Variants in TRIO observed in about 807,000 individuals in gnomAD.
TRIO encodes the protein trio Rho guanine nucleotide exchange factor.
A neutral mutation model predicts 351.9 loss-of-function variants in TRIO; 58 were observed. That is an observed-to-expected ratio of 0.16 (90% confidence interval 0.13 to 0.21). The LOEUF (loss-of-function observed/expected upper bound fraction) is 0.21, where lower values mean the gene tolerates loss of function less well. Ranked by LOEUF, TRIO falls within the 10% of genes least tolerant of loss-of-function variation. The pLI is 1.00. For missense variants in TRIO, 3,201 were observed against 4,027.8 expected (o/e 0.79, Z 5.56); for synonymous variants, 1,758 against 1,595.7 (o/e 1.10, Z -2.42).
chr5:14,345,677 C>T (rs1742358716), intron 11 of TRIO, among the ~76,000 whole-genome samples: 1 of 152,176 alleles, frequency 6.6e-6, no homozygotes, highest in South Asian at 2.1e-4. Context: ...TCTCCTGCCT[C>T]AGCCTCCCAA....
chr5:14,401,236 G>A (rs1748043531), intron 31 of TRIO, among the ~76,000 whole-genome samples, 172 bp downstream of exon 31: 1 of 152,170 alleles, frequency 6.6e-6, no homozygotes, highest in African/African-American at 2.4e-5. Flanking sequence ...ATTCAGTTTG[G>A]TGTTCTGGTG....
intron 1 of TRIO, among the ~76,000 whole-genome samples, chr5:14,191,700 T>C (rs1037088728): frequency 1.3e-5 from 2 of 152,210 alleles, no homozygotes; most frequent in Admixed American, 1.3e-4. Context: ...ATAGGGAAGT[T>C]AATTCTGATA....
At chr5:14,148,198 C>T (rs1384200515) in intron 1 of TRIO, among the ~76,000 whole-genome samples, 3 of 152,118 alleles carry the variant, frequency 2.0e-5, no homozygotes, top group East Asian at 1.9e-4. Context: ...TAAATGAAGC[C>T]GGTGGTGGTG....
At chr5:14,246,718 G>A (rs760208599) in intron 1 of TRIO, among the ~76,000 whole-genome samples, 6 of 152,184 alleles carry the variant, frequency 3.9e-5, no homozygotes, top group Non-Finnish European at 8.8e-5. Flanking sequence ...CCATCTGGGG[G>A]CTAGGGACAA....
chr5:14,221,156 G>C (rs1352829933), intron 1 of TRIO, among the ~76,000 whole-genome samples: 1 of 152,182 alleles, frequency 6.6e-6, no homozygotes, highest in Non-Finnish European at 1.5e-5. Flanking sequence ...AAGCCTGGAT[G>C]ATAGCCCATC....
intron 46 of TRIO, among the ~76,000 whole-genome samples, chr5:14,483,559 G>A (rs752582114): frequency 3.9e-5 from 6 of 152,110 alleles, no homozygotes; most frequent in African/African-American, 1.2e-4. Context: ...TCCCCCATCC[G>A]ACTCTCCGTT....
intron 6 of TRIO, among the ~76,000 whole-genome samples, chr5:14,295,359 T>C (rs1350276472): frequency 6.6e-6 from 1 of 152,264 alleles, no homozygotes. Flanking sequence ...ACCATATTGA[T>C]GTCCAGGCTG....
In TRIO at chr5:14,498,547, G is replaced by A. The variant is rs149437604; in HGVS notation, c.8239G>A (p.Val2747Met). ...CCTGGGAGAGGCCACGCTGAAGATT[G>A]TGGGCGTGACCACGGAAGATGACGG... ...SDLGEATLKI[V>M]GVTTEDDGIY... Residue 2747 changes from valine (V) to methionine (M), a missense_variant, in exon 53 of 57, where the codon GTG (valine) becomes ATG (methionine). Around this residue, in one of 19 missense-constraint regions of TRIO, gnomAD observed 1,089 missense variants for 954.9 expected, o/e 1.14. Coordinates refer to ENST00000344204, the MANE Select transcript of TRIO (RefSeq NM_007118.4). 3.7e-6 allele frequency: 6 copies of A among 1,613,876 alleles called. No individual in the cohort carries two copies. The highest frequency in any genetic ancestry group is 4.2e-6 in the Non-Finnish European group (5 of 1,179,964).
chr5:14,297,081 G>T lies in TRIO; in HGVS notation c.1186G>T (p.Val396Leu). 1 of 1,611,102 alleles carries T rather than the reference G, an allele frequency of 6.2e-7. No homozygotes were observed. The highest frequency in any genetic ancestry group is 8.5e-7 in the Non-Finnish European group (1 of 1,177,474). The change falls in exon 7 of 57, where the codon GTA becomes TTA. Residue 396 changes from valine to leucine, a missense_variant. Transcript: ENST00000344204. ...HFAMNCMNVYVNINRIMSVAN... is the reference protein window; with the variant it reads ...HFAMNCMNVYLNINRIMSVAN... ...CCTGCCCACTTTCCAGAACGTGTAT[G>T]TAAATATAAACCGCATCATGTCGGT...
At chr5:14,460,585 G>A (rs908873337) in intron 34 of TRIO, among the ~76,000 whole-genome samples, 1 of 152,226 alleles carries the variant, frequency 6.6e-6, no homozygotes, top group Non-Finnish European at 1.5e-5. Flanking sequence ...AGTTGGCATA[G>A]CTAAAACTTC....
chr5:14,180,425 A>G (rs1789700461), intron 1 of TRIO, among the ~76,000 whole-genome samples: 1 of 152,234 alleles, frequency 6.6e-6, no homozygotes, highest in African/African-American at 2.4e-5. Flanking sequence ...TCTTAAATAA[A>G]TAAGGATTGT....
chr5:14,309,625 T>C (rs1476451144), intron 8 of TRIO, among the ~76,000 whole-genome samples: 3 of 152,224 alleles, frequency 2.0e-5, no homozygotes, highest in Non-Finnish European at 4.4e-5. Flanking sequence ...CAGTGACTGA[T>C]GCCAATGGTA....
At chr5:14,315,663 T>C (rs1739321167) in intron 8 of TRIO, among the ~76,000 whole-genome samples, 1 of 152,252 alleles carries the variant, frequency 6.6e-6, no homozygotes, top group Non-Finnish European at 1.5e-5. Context: ...GGTTACCTTA[T>C]GCATCTCACA....
intron 36 of TRIO, among the ~76,000 whole-genome samples, chr5:14,463,687 T>A (rs1487441272): frequency 1.3e-5 from 2 of 152,104 alleles, no homozygotes; most frequent in Admixed American, 6.5e-5. Context: ...TTTTTTTTTT[T>A]TTGGCAGTAA....
At chr5:14,379,495 G>A (rs528201637) in intron 20 of TRIO, among the ~76,000 whole-genome samples, 2 of 152,274 alleles carry the variant, frequency 1.3e-5, no homozygotes, top group South Asian at 4.1e-4. Flanking sequence ...CTCTCCTCCT[G>A]GTGACGTTCC....
intron 55 of TRIO, among the ~76,000 whole-genome samples, chr5:14,505,213 T>C (rs543663144): frequency 7.2e-5 from 11 of 152,336 alleles, no homozygotes; most frequent in Non-Finnish European, 1.3e-4. Flanking sequence ...GCGGTTCTCA[T>C]CTAGGGGTGG....
intron 6 of TRIO, among the ~76,000 whole-genome samples, chr5:14,295,714 G>A (rs1561304395): frequency 6.6e-6 from 1 of 152,212 alleles, no homozygotes; most frequent in Non-Finnish European, 1.5e-5. Context: ...ATGCACTTGG[G>A]AATGGGAGGC....
intron 27 of TRIO, 23 bp downstream of exon 27, chr5:14,391,013 G>C: frequency 6.4e-7 from 1 of 1,556,732 alleles, no homozygotes; most frequent in South Asian, 1.2e-5. Context: ...TTCCTAAAGA[G>C]ACCATAATTT....
intron 1 of TRIO, among the ~76,000 whole-genome samples, chr5:14,165,250 G>A (rs575685464): frequency 6.6e-6 from 1 of 152,182 alleles, no homozygotes; most frequent in Non-Finnish European, 1.5e-5. Flanking sequence ...TACCTGATGC[G>A]TAGTTTTTAA....
Sources: gnomAD v4.1 joint callset for allele counts (sites outside exome capture counted in the v4.1 genomes callset) on GRCh38, gnomAD v4.1.1 for gene constraint, gnomAD v4.1.1 regional missense constraint, MANE v1.5 for transcripts, NCBI Gene and HGNC (gene_info 2026-07-23, HGNC 2026-07-21) for gene names.